Variants in CDK7 observed in about 807,000 individuals in gnomAD.
CDK7 encodes the protein cyclin dependent kinase 7.
Under a neutral mutation model 49.1 loss-of-function variants are expected in CDK7, and 25 were observed. The ratio of observed to expected loss-of-function variants is 0.51; its 90% CI spans 0.37 to 0.71. CDK7 has a LOEUF of 0.71. CDK7 is among the 30% of genes least tolerant of loss of function. CDK7 has a pLI of 0.00. For missense variants in CDK7, 316 were observed against 411.7 expected, an observed-to-expected ratio of 0.77 and a Z score of 2.01; for synonymous variants, 107 against 140.0, an observed-to-expected ratio of 0.76 and a Z score of 1.67.
chr5:69,249,202 T>G (rs1473326349), intron 2 of CDK7, among the ~76,000 whole-genome samples: 1 of 152,080 alleles, frequency 6.6e-6, no homozygotes, highest in Admixed American at 6.6e-5. Context: ...TAGCCTGTCT[T>G]CAAGCTCATT....
At chr5:69,264,854 C>T (rs546481627) in intron 8 of CDK7, among the ~76,000 whole-genome samples, 1 of 152,200 alleles carries the variant, frequency 6.6e-6, no homozygotes. Flanking sequence ...CCTGTAATCC[C>T]AGCTACTCAG....
chr5:69,248,545 C>T (rs1209796471), intron 2 of CDK7, among the ~76,000 whole-genome samples: 1 of 151,892 alleles, frequency 6.6e-6, no homozygotes, highest in Non-Finnish European at 1.5e-5. Context: ...TGTGCCACCA[C>T]GCCCAGCTAA....
intron 2 of CDK7, among the ~76,000 whole-genome samples, chr5:69,249,611 G>T (rs955672533): frequency 6.6e-5 from 10 of 152,150 alleles, no homozygotes; most frequent in African/African-American, 1.9e-4. Context: ...ACTTTGGGAG[G>T]CCACGGTGGG....
intron 3 of CDK7, 107 bp from the exon 4 acceptor site, chr5:69,254,495 C>T (rs1750357243): frequency 3.4e-6 from 2 of 592,938 alleles, no homozygotes; most frequent in Non-Finnish European, 3.0e-6. Context: ...ACACTCTAGC[C>T]TGGGCGACAG....
intron 10 of CDK7, among the ~76,000 whole-genome samples, chr5:69,274,231 T>G (rs150139363): frequency 6.6e-6 from 1 of 152,230 alleles, no homozygotes; most frequent in Admixed American, 6.5e-5. Flanking sequence ...GTGAGTTTTG[T>G]TTCATGGATG....
At chr5:69,240,119 G>T (rs893260276) in intron 2 of CDK7, among the ~76,000 whole-genome samples, 3 of 152,094 alleles carry the variant, frequency 2.0e-5, no homozygotes, top group African/African-American at 7.2e-5. Flanking sequence ...CCAAGTTCCA[G>T]TATTGGAACT....
intron 2 of CDK7, among the ~76,000 whole-genome samples, chr5:69,248,852 G>A (rs1749944071): frequency 1.6e-5 from 2 of 122,622 alleles, no homozygotes; most frequent in South Asian, 5.2e-4. Context: ...TGCCCAGGCT[G>A]GAGTGCAGTG....
At chr5:69,273,573 A>G (rs992571747) in intron 10 of CDK7, among the ~76,000 whole-genome samples, 3 of 152,178 alleles carry the variant, frequency 2.0e-5, no homozygotes, top group African/African-American at 4.8e-5. Context: ...AATATTTGAA[A>G]TAAAACAAAA....
At position 69,272,887 on chromosome 5, in the gene CDK7, T is replaced by C. The variant is rs766087829; in HGVS notation, c.715-5T>C. 5.2e-6 allele frequency: 8 copies of C among 1,551,028 alleles called. No homozygotes were observed. The African/African-American group carries it at 8.2e-5, about 16-fold the overall frequency. ...TAAGTTTGAATTACAAAATTATTTT[T>C]ACAGGACATGTGTAGTCTTCCAGAT... On this transcript the variant is annotated splice_polypyrimidine_tract_variant and splice_region_variant and intron_variant, in intron 9 of 11. Coordinates refer to ENST00000256443, the MANE Select transcript of CDK7 (RefSeq NM_001799.4).
chr5:69,255,023 G>A (rs1750396398), intron 4 of CDK7, among the ~76,000 whole-genome samples: 1 of 152,196 alleles, frequency 6.6e-6, no homozygotes, highest in African/African-American at 2.4e-5. Context: ...CTGCCTCATA[G>A]GGAAGTTGTG....
At chr5:69,257,398 A>G (rs905280178) in intron 5 of CDK7, among the ~76,000 whole-genome samples, 2 of 152,238 alleles carry the variant, frequency 1.3e-5, no homozygotes, top group Non-Finnish European at 2.9e-5. Context: ...CATTAGGCAC[A>G]GCTCATAAAT....
intron 2 of CDK7, among the ~76,000 whole-genome samples, chr5:69,236,026 G>A (rs1184093024): frequency 6.6e-6 from 1 of 152,038 alleles, no homozygotes; most frequent in Non-Finnish European, 1.5e-5. Context: ...GGATCACTTG[G>A]GGTCAAGAGA....
At chr5:69,263,536 A>C (rs920395456) in intron 8 of CDK7, among the ~76,000 whole-genome samples, 2 of 152,176 alleles carry the variant, frequency 1.3e-5, no homozygotes, top group African/African-American at 4.8e-5. Flanking sequence ...AATCTCTTAA[A>C]ATAAAAAAAA....
intron 10 of CDK7, among the ~76,000 whole-genome samples, chr5:69,273,744 TTAA>T (rs1237238592): frequency 2.0e-5 from 3 of 152,196 alleles, no homozygotes; most frequent in Non-Finnish European, 4.4e-5. Context: ...TGGAAACATA[TTAA>T]TGTACAGTAA....
chr5:69,249,455 A>T (rs1171133251), intron 2 of CDK7, among the ~76,000 whole-genome samples: 1 of 151,946 alleles, frequency 6.6e-6, no homozygotes, highest in Non-Finnish European at 1.5e-5. Flanking sequence ...AGTGGAGAGG[A>T]TGGCTTTAGC....
intron 2 of CDK7, among the ~76,000 whole-genome samples, chr5:69,250,451 T>A (rs1750064115): frequency 6.6e-6 from 1 of 152,210 alleles, no homozygotes; most frequent in African/African-American, 2.4e-5. Context: ...CCTGTGTCCA[T>A]CAGCACCACA....
At chr5:69,240,871 C>G (rs138160299) in intron 2 of CDK7, among the ~76,000 whole-genome samples, 1 of 152,146 alleles carries the variant, frequency 6.6e-6, no homozygotes, top group Non-Finnish European at 1.5e-5. Flanking sequence ...AAGTGATCTG[C>G]CTGCCTTGGC....
chr5:69,241,899 A>G (rs1421791635), intron 2 of CDK7, among the ~76,000 whole-genome samples: 1 of 152,068 alleles, frequency 6.6e-6, no homozygotes, highest in Non-Finnish European at 1.5e-5. Flanking sequence ...CTGCAGAAGC[A>G]TCTTAACTTG....
intron 10 of CDK7, among the ~76,000 whole-genome samples, chr5:69,274,163 A>C (rs1418528269): frequency 2.0e-5 from 3 of 152,198 alleles, no homozygotes; most frequent in Non-Finnish European, 4.4e-5. Context: ...TTGAAACTTA[A>C]CAGAAAAATA....
Sources: allele counts gnomAD v4.1 joint callset (sites outside exome capture counted in the v4.1 genomes callset), GRCh38; gene constraint gnomAD v4.1.1; transcripts MANE v1.5; gene names NCBI Gene and HGNC (gene_info 2026-07-23, HGNC 2026-07-21).